Variants in ZNF143 observed in about 807,000 individuals in gnomAD.
ZNF143 encodes the protein zinc finger protein 143.
In ZNF143, 49 loss-of-function variants were observed where a neutral mutation model predicts 74.1. That is an observed-to-expected ratio of 0.66 (90% CI 0.53 to 0.84). The LOEUF (loss-of-function observed/expected upper bound fraction) is 0.84. ZNF143 is among the 40% of genes least tolerant of loss of function. The probability of loss-of-function intolerance (pLI) is 0.00; values close to 1 mark genes in which losing one functional copy is unlikely to be tolerated. For synonymous variants in ZNF143, 304 were observed against 282.8 expected, an observed-to-expected ratio of 1.07 and a Z score of -0.75; for missense variants, 637 against 793.4, an observed-to-expected ratio of 0.80 and a Z score of 2.37.
intron 14 of ZNF143, among the ~76,000 whole-genome samples, chr11:9,522,430 ACTCTAGTT>A (rs922413838): frequency 4.6e-5 from 7 of 152,056 alleles, no homozygotes; most frequent in African/African-American, 1.4e-4. Context: ...CCCTTCTGGA[ACTCTAGTT>A]ACATGTATAT....
chr11:9,527,523 G>T lies in ZNF143; in HGVS notation c.1834-7G>T. The T allele has an allele frequency of 5.0e-6, 8 of 1,613,442 alleles. No individual in the cohort carries two copies. The highest frequency in any genetic ancestry group is 6.8e-6 in the Non-Finnish European group (8 of 1,179,710). On this transcript the variant is annotated splice_region_variant and splice_polypyrimidine_tract_variant and intron_variant, in intron 15 of 15. Transcript: ENST00000396602. ...GTTAGCGTTTGATGTGTGTGTTCCT[G>T]TTTCAGCTTGGAGAACAGCCATCTC...
chr11:9,477,403 C>A (rs990131831), intron 5 of ZNF143, among the ~76,000 whole-genome samples: 2 of 151,904 alleles, frequency 1.3e-5, no homozygotes, highest in African/African-American at 4.8e-5. Context: ...TACAGGTGCG[C>A]GCCACCATGC....
intron 2 of ZNF143, 126 bp downstream of exon 2, chr11:9,471,546 T>G: frequency 4.9e-6 from 3 of 617,304 alleles, no homozygotes; most frequent in Non-Finnish European, 7.7e-6. Context: ...TTATGAGGTG[T>G]TTTGGTGTTT....
At chr11:9,522,916 C>T (rs1745127781) in intron 14 of ZNF143, among the ~76,000 whole-genome samples, 1 of 151,872 alleles carries the variant, frequency 6.6e-6, no homozygotes, top group Non-Finnish European at 1.5e-5. Flanking sequence ...CACCCGCCAC[C>T]ATGCCCAGCT....
intron 1 of ZNF143, 63 bp downstream of exon 1, chr11:9,461,139 C>CGCG (rs967968294): frequency 1.1e-6 from 1 of 952,232 alleles, no homozygotes; most frequent in African/African-American, 1.8e-5. Flanking sequence ...CCGCCCTCAG[C>CGCG]GCGGCGGCGC....
chr11:9,491,090 A>G (rs943651621), intron 7 of ZNF143, among the ~76,000 whole-genome samples: 1 of 152,196 alleles, frequency 6.6e-6, no homozygotes, highest in Non-Finnish European at 1.5e-5. Flanking sequence ...TTATTAAGAT[A>G]TATTTCACAT....
intron 7 of ZNF143, among the ~76,000 whole-genome samples, chr11:9,492,486 A>G (rs575187169): frequency 6.6e-6 from 1 of 152,066 alleles, no homozygotes; most frequent in Admixed American, 6.6e-5. Context: ...ACCTCAGGTG[A>G]TCCACCCACC....
intron 14 of ZNF143, among the ~76,000 whole-genome samples, chr11:9,520,025 ATTTTTTTTTTTTTTTT>A (rs954404348): frequency 1.9e-4 from 17 of 91,386 alleles, no homozygotes; most frequent in Non-Finnish European, 2.7e-4. Context: ...GTTTCCACCA[ATTTTTTTTTTTTTTTT>A]TTTTTTTTTT....
chr11:9,513,401 A>G (rs1848620178), intron 13 of ZNF143, among the ~76,000 whole-genome samples: 4 of 152,244 alleles, frequency 2.6e-5, no homozygotes, highest in Non-Finnish European at 5.9e-5. Flanking sequence ...CTGTCCTCTG[A>G]CTGGTATGCA....
intron 12 of ZNF143, among the ~76,000 whole-genome samples, chr11:9,510,695 A>G (rs1449161954): frequency 1.3e-5 from 2 of 151,852 alleles, no homozygotes; most frequent in East Asian, 3.9e-4. Context: ...ATTGAGAAGT[A>G]CTCTTAGATT....
At chr11:9,490,435 C>T (rs1847730361) in intron 7 of ZNF143, among the ~76,000 whole-genome samples, 1 of 151,538 alleles carries the variant, frequency 6.6e-6, no homozygotes, top group Non-Finnish European at 1.5e-5. Context: ...AGGCACGTAC[C>T]ACCATGCCCA....
At chr11:9,486,454 T>TATTATATATAA (rs1554964478) in intron 7 of ZNF143, among the ~76,000 whole-genome samples, 2 of 72,168 alleles carry the variant, frequency 2.8e-5, no homozygotes, top group African/African-American at 1.1e-4. Flanking sequence ...ATTATATATA[T>TATTATATATAA]TATATATATA....
intron 11 of ZNF143, among the ~76,000 whole-genome samples, chr11:9,503,021 C>T (rs890038382): frequency 5.9e-5 from 9 of 152,008 alleles, no homozygotes; most frequent in Non-Finnish European, 1.0e-4. Context: ...TTAGTAGAGA[C>T]GGGGTTTCAC....
chr11:9,501,401 A>G (rs1176911694), intron 11 of ZNF143, 131 bp downstream of exon 11: 14 of 1,102,068 alleles, frequency 1.3e-5, no homozygotes, highest in Admixed American at 2.6e-5. Context: ...AGATTAAGCA[A>G]CTTGAAAAAG....
intron 1 of ZNF143, among the ~76,000 whole-genome samples, chr11:9,464,951 G>A (rs1010633756): frequency 6.6e-6 from 1 of 152,000 alleles, no homozygotes; most frequent in East Asian, 1.9e-4. Context: ...ATGCTAAATG[G>A]CCTATAAGGG....
intron 11 of ZNF143, among the ~76,000 whole-genome samples, chr11:9,502,076 A>G (rs1361308116): frequency 6.7e-6 from 1 of 149,106 alleles, no homozygotes; most frequent in Non-Finnish European, 1.5e-5. Context: ...AACTGGGATT[A>G]CAGGCATGTG....
At chr11:9,479,152 A>G (rs968618558) in intron 6 of ZNF143, among the ~76,000 whole-genome samples, 1 of 151,208 alleles carries the variant, frequency 6.6e-6, no homozygotes, top group African/African-American at 2.4e-5. Flanking sequence ...TGTTAGGGAC[A>G]TTTTCTTTTT....
At chr11:9,488,090 C>A (rs573854613) in intron 7 of ZNF143, among the ~76,000 whole-genome samples, 44 of 152,184 alleles carry the variant, frequency 2.9e-4, no homozygotes, top group Admixed American at 2.2e-3. Context: ...AGTTCTCTTT[C>A]TAAAACGCAG....
intron 1 of ZNF143, among the ~76,000 whole-genome samples, chr11:9,470,781 C>T (rs762262054): frequency 6.6e-6 from 1 of 151,942 alleles, no homozygotes; most frequent in Non-Finnish European, 1.5e-5. Context: ...GGACACTGAC[C>T]GCTGTGTCAA....
Sources: gnomAD v4.1 joint callset for allele counts (sites outside exome capture counted in the v4.1 genomes callset) on GRCh38, gnomAD v4.1.1 for gene constraint, MANE v1.5 for transcripts, NCBI Gene and HGNC (gene_info 2026-07-23, HGNC 2026-07-21) for gene names.